NCAM2: variants seen among roughly 807,000 people sequenced by gnomAD.
NCAM2 encodes N-CAM-2.
Under a neutral mutation model 98.1 loss-of-function variants are expected in NCAM2, and 30 were observed. The observed-to-expected ratio is 0.31, with a 90% CI of 0.23 to 0.41. The LOEUF is 0.41. Among genes scored for constraint, NCAM2 ranks in the 10% least tolerant of loss-of-function variants. The pLI is 1.00. For synonymous variants in NCAM2, 368 were observed against 342.4 expected (o/e 1.07, Z -0.83); for missense variants, 867 against 1,005.8 (o/e 0.86, Z 1.87).
intron 9 of NCAM2, among the ~76,000 whole-genome samples, chr21:21,378,265 A>G (rs1441220088): frequency 6.6e-6 from 1 of 151,832 alleles, no homozygotes; most frequent in Non-Finnish European, 1.5e-5. Context: ...GAACTTTTAT[A>G]CCACTTTCTA....
Position 21,422,735 on chromosome 21 carries a change from G to A in NCAM2, c.1480+4166G>A, listed in dbSNP as rs1386743984. Among the ~76,000 whole-genome samples the A allele has an allele frequency of 6.6e-5, 10 of 152,170 alleles. No individual in the cohort carries two copies. The South Asian group carries it at 1.5e-3, about 22-fold the overall frequency. On this transcript the variant is annotated intron_variant, in intron 11 of 17. Coordinates refer to ENST00000400546, the MANE Select transcript of NCAM2 (RefSeq NM_004540.5). ...CTAGAAATATAAGACAGACAAATAC[G>A]TATATATTTTAAGACTTCACCATAA... is the stretch of plus-strand genomic sequence containing the variant.
chr21:21,251,217 C>T (rs1433882631), intron 1 of NCAM2, among the ~76,000 whole-genome samples: 2 of 152,028 alleles, frequency 1.3e-5, no homozygotes, highest in South Asian at 2.1e-4. Flanking sequence ...AGGTTTGTTA[C>T]GTAGGTATAC....
intron 4 of NCAM2, among the ~76,000 whole-genome samples, chr21:21,287,233 G>T (rs1217681863): frequency 6.6e-6 from 1 of 151,878 alleles, no homozygotes; most frequent in African/African-American, 2.4e-5. Flanking sequence ...TTCCATCTTC[G>T]ATGATTCTGA....
At chr21:21,437,393 A>T (rs955449049) in intron 12 of NCAM2, among the ~76,000 whole-genome samples, 14 of 151,824 alleles carry the variant, frequency 9.2e-5, no homozygotes, top group Non-Finnish European at 5.9e-5. Flanking sequence ...CAGATCGATC[A>T]TGTGAGCAAT....
At chr21:21,288,725 A>G (rs2073188682) in intron 4 of NCAM2, among the ~76,000 whole-genome samples, 1 of 151,986 alleles carries the variant, frequency 6.6e-6, no homozygotes, top group Non-Finnish European at 1.5e-5. Context: ...CTGATGAAAT[A>G]AGATCAAGAT....
chr21:21,100,767 TA>T (rs1375968866), intron 1 of NCAM2, among the ~76,000 whole-genome samples: 1 of 152,014 alleles, frequency 6.6e-6, no homozygotes. Flanking sequence ...CTTCTCCCAG[TA>T]ATTTTGCTCT....
chr21:21,250,434 A>G (rs898896172), intron 1 of NCAM2, among the ~76,000 whole-genome samples: 3 of 151,374 alleles, frequency 2.0e-5, no homozygotes, highest in African/African-American at 7.4e-5. Context: ...TTTGATGGAC[A>G]GAGCATTTCG....
chr21:21,492,014 A>G (rs1290188804), intron 15 of NCAM2, among the ~76,000 whole-genome samples: 3 of 151,576 alleles, frequency 2.0e-5, no homozygotes, highest in Non-Finnish European at 3.0e-5. Context: ...AATTTGTATG[A>G]TTACTGTTGT....
chr21:21,119,082 A>G (rs2066620550), intron 1 of NCAM2, among the ~76,000 whole-genome samples: 1 of 152,048 alleles, frequency 6.6e-6, no homozygotes, highest in Non-Finnish European at 1.5e-5. Context: ...ATTACTTTTC[A>G]GAAGTTCAAC....
At chr21:21,174,409 G>GA (rs1006284464) in intron 1 of NCAM2, among the ~76,000 whole-genome samples, 2 of 152,040 alleles carry the variant, frequency 1.3e-5, no homozygotes, top group East Asian at 3.9e-4. Context: ...ATATTTCTAG[G>GA]AAAAAATATT....
chr21:21,032,649 GTTTT>G (rs1430289206), intron 1 of NCAM2, among the ~76,000 whole-genome samples: 1 of 152,070 alleles, frequency 6.6e-6, no homozygotes, highest in African/African-American at 2.4e-5. Context: ...TTAGTTCTTA[GTTTT>G]TTTAAAGAGT....
intron 1 of NCAM2, among the ~76,000 whole-genome samples, chr21:21,093,928 T>C (rs1011919762): frequency 1.3e-5 from 2 of 152,068 alleles, no homozygotes; most frequent in African/African-American, 4.8e-5. Flanking sequence ...AAGTGTAATT[T>C]TCTCAAGGAA....
intron 1 of NCAM2, among the ~76,000 whole-genome samples, chr21:21,124,862 A>G (rs1005954907): frequency 6.6e-6 from 1 of 152,190 alleles, no homozygotes; most frequent in Non-Finnish European, 1.5e-5. Context: ...ATGTAAAACT[A>G]GAAGGCAGGG....
chr21:21,187,005 G>T (rs1329059403), intron 1 of NCAM2, among the ~76,000 whole-genome samples: 5 of 152,034 alleles, frequency 3.3e-5, no homozygotes, highest in African/African-American at 4.8e-5. Flanking sequence ...CAAGGCAGGT[G>T]GATCACCTGA....
At chr21:21,159,689 G>A (rs1438768193) in intron 1 of NCAM2, among the ~76,000 whole-genome samples, 1 of 152,068 alleles carries the variant, frequency 6.6e-6, no homozygotes, top group African/African-American at 2.4e-5. Flanking sequence ...TTCACACAAT[G>A]ACGAAATTGC....
chr21:21,483,594 A>G (rs994046983), intron 15 of NCAM2, among the ~76,000 whole-genome samples: 1 of 151,144 alleles, frequency 6.6e-6, no homozygotes, highest in African/African-American at 2.5e-5. Flanking sequence ...TTATTTTAGG[A>G]TTACATTTAT....
intron 8 of NCAM2, among the ~76,000 whole-genome samples, chr21:21,345,341 CA>C: frequency 6.6e-6 from 1 of 151,706 alleles, no homozygotes; most frequent in East Asian, 1.9e-4. Flanking sequence ...ACAGAGAATT[CA>C]AAATAGTTGT....
chr21:21,211,194 C>T (rs1464481181), intron 1 of NCAM2, among the ~76,000 whole-genome samples: 3 of 152,146 alleles, frequency 2.0e-5, no homozygotes, highest in East Asian at 1.9e-4. Context: ...TCCCCGAATA[C>T]GAACTTAGCA....
chr21:21,142,434 A>G (rs1250771055), intron 1 of NCAM2, among the ~76,000 whole-genome samples: 3 of 122,882 alleles, frequency 2.4e-5, no homozygotes, highest in South Asian at 5.4e-4. Flanking sequence ...GCTGGAGTGC[A>G]GTGGCGCAAT....
Sources: gnomAD v4.1 joint callset for allele counts (sites outside exome capture counted in the v4.1 genomes callset) on GRCh38, gnomAD v4.1.1 for gene constraint, MANE v1.5 for transcripts, NCBI Gene and HGNC (gene_info 2026-07-23, HGNC 2026-07-21) for gene names.